The following GC variants were observed in gnomAD, a reference collection of about 807,000 sequenced individuals.
GC encodes GC vitamin D binding protein.
In GC, 43 loss-of-function variants were observed where a neutral mutation model predicts 56.7. The observed-to-expected ratio is 0.76, with a 90% confidence interval of 0.59 to 0.98. GC has a LOEUF of 0.98. Among genes scored for constraint, GC ranks in the 50% least tolerant of loss-of-function variants. GC has a pLI of 0.00. For missense variants in GC, 529 were observed against 545.9 expected (o/e 0.97, Z 0.31); for synonymous variants, 216 against 202.7 (o/e 1.07, Z -0.56).
intron 1 of GC, among the ~76,000 whole-genome samples, chr4:71,779,127 T>C (rs1305697661): frequency 1.3e-5 from 2 of 151,648 alleles, no homozygotes; most frequent in South Asian, 2.1e-4. Flanking sequence ...AAACCCAATT[T>C]TGTAATATTA....
intron 10 of GC, 61 bp downstream of exon 10, chr4:71,754,350 C>T (rs1578285467): frequency 1.3e-6 from 1 of 789,360 alleles, no homozygotes; most frequent in Non-Finnish European, 2.1e-6. Flanking sequence ...GCTTTCAATT[C>T]ATAGTACTAT....
intron 4 of GC, among the ~76,000 whole-genome samples, chr4:71,764,194 T>C (rs1358156937): frequency 1.3e-5 from 2 of 152,028 alleles, no homozygotes; most frequent in East Asian, 1.9e-4. Flanking sequence ...TTGTCCCAGG[T>C]TGGTCTTGAA....
intron 11 of GC, among the ~76,000 whole-genome samples, chr4:71,751,348 T>TCA (rs1741548662): frequency 6.6e-6 from 1 of 152,142 alleles, no homozygotes; most frequent in Non-Finnish European, 1.5e-5. Flanking sequence ...CTCCCCTCTC[T>TCA]CACACCTTCA....
At chr4:71,803,919 G>T in intron 1 of GC, 4 of 1,478,170 alleles carry the variant, frequency 2.7e-6, no homozygotes, top group Non-Finnish European at 2.7e-6. Context: ...GAATTAGAAC[G>T]CAGTACCTCA....
At chr4:71,778,188 CT>C (rs1258197251) in intron 1 of GC, among the ~76,000 whole-genome samples, 1 of 151,840 alleles carries the variant, frequency 6.6e-6, no homozygotes, top group African/African-American at 2.4e-5. Context: ...GTAAGTTTCA[CT>C]TCTCTAAGAT....
intron 1 of GC, among the ~76,000 whole-genome samples, chr4:71,770,001 T>G (rs940726018): frequency 3.3e-5 from 5 of 152,130 alleles, no homozygotes; most frequent in Non-Finnish European, 7.4e-5. Flanking sequence ...AAGGTGGAAA[T>G]CAGGCAAAGA....
intron 1 of GC, among the ~76,000 whole-genome samples, chr4:71,793,929 G>A (rs1743030848): frequency 6.6e-6 from 1 of 152,064 alleles, no homozygotes; most frequent in Non-Finnish European, 1.5e-5. Context: ...GGTCTTTGTT[G>A]TTGGATCTAT....
At chr4:71,762,506 A>G (rs222007) in intron 6 of GC, among the ~76,000 whole-genome samples, 14,100 of 152,140 alleles carry the variant, frequency 0.093, 734 homozygotes, top group Non-Finnish European at 0.1. Flanking sequence ...GGGAAGGCAT[A>G]ATTAGTTTTG....
rs752729934 is a variant in GC at position 71,763,484 on chromosome 4, A to C, written c.625T>G (p.Leu209Val). The change falls in exon 6 of 13, where the codon TTA (leucine) becomes GTA (valine). Residue 209 changes from leucine (L) to valine (V), a missense_variant. Leu to Val is a conservative substitution (Grantham distance 32). Coordinates refer to ENST00000273951, the MANE Select transcript of GC (RefSeq NM_000583.4). ...TTTGACAGAGTGGTGAGAAGTGATA[A>C]ATGTTTAAGCTGGAGTCTCTAGAAA... ...FLKERLQLKH[L>V]SLLTTLSNRV... 2 of 1,598,674 alleles carry C rather than the reference A, an allele frequency of 1.3e-6. No individual in the cohort carries two copies. Among genetic ancestry groups the C allele is most frequent in the South Asian group, 1.1e-5 (1 of 90,688 alleles).
At chr4:71,763,343 C>A in intron 6 of GC, 65 bp downstream of exon 6, 1 of 767,116 alleles carries the variant, frequency 1.3e-6, no homozygotes, top group Admixed American at 2.4e-5. Context: ...TAAAAAAACC[C>A]TAATATTATG....
intron 1 of GC, among the ~76,000 whole-genome samples, chr4:71,791,275 A>T (rs1464020582): frequency 1.3e-5 from 2 of 152,082 alleles, no homozygotes; most frequent in East Asian, 3.9e-4. Context: ...TTTTTGCTTA[A>T]AAGTTTTTTT....
chr4:71,785,247 C>T (rs138652372), upstream of GC, among the ~76,000 whole-genome samples: 2 of 151,788 alleles, frequency 1.3e-5, no homozygotes, highest in East Asian at 3.9e-4. Context: ...ATTAATGTCA[C>T]CTATTACTCT....
At chr4:71,780,798 T>C (rs2149305999) in intron 1 of GC, among the ~76,000 whole-genome samples, 1 of 152,280 alleles carries the variant, frequency 6.6e-6, no homozygotes, top group East Asian at 1.9e-4. Flanking sequence ...GACTGTAAAC[T>C]AGTTCAACCA....
intron 1 of GC, among the ~76,000 whole-genome samples, chr4:71,795,933 T>G (rs1743091040): frequency 6.6e-6 from 1 of 152,242 alleles, no homozygotes; most frequent in Non-Finnish European, 1.5e-5. Flanking sequence ...TTTGGCTGGA[T>G]ATGAAATTCT....
rs140977220 is a variant in GC at position 71,783,345 on chromosome 4, A to T, written c.58+616T>A. 2.1e-3 allele frequency among the ~76,000 whole-genome samples: 315 copies of T among 151,970 alleles called. 2 individuals carry two copies. The highest frequency in any genetic ancestry group is 6.7e-3 in the African/African-American group (279 of 41,524). On this transcript the variant is annotated intron_variant, in intron 1 of 12. Transcript: ENST00000273951. ...CTTTATCATGTAAAAAAATTTTTAA[A>T]CATTGCCCAAAGATGAACACACCAT...
intron 6 of GC, among the ~76,000 whole-genome samples, chr4:71,760,544 T>A (rs1318971782): frequency 6.6e-6 from 1 of 152,018 alleles, no homozygotes; most frequent in Non-Finnish European, 1.5e-5. Context: ...ATAGAAACTA[T>A]CAAAATTAAA....
Position 71,753,484 on chromosome 4 carries a change from CAA to C in GC, c.1263-836_1263-835del, listed in dbSNP as rs202008117. Reference sequence around the variant, plus strand: ...GAGGCAAGAAGAGACTCAAAGGAGGCAAAAAAAAAAAAAGAAAGTTGGGGGGA... The same window carrying C: ...GAGGCAAGAAGAGACTCAAAGGAGGCAAAAAAAAAAAGAAAGTTGGGGGGA... On this transcript the variant is annotated intron_variant, in intron 10 of 12. Transcript: ENST00000273951. Among the ~76,000 whole-genome samples, 298 of 93,948 alleles carry C rather than the reference CAA, an allele frequency of 3.2e-3. 2 individuals carry two copies. Among genetic ancestry groups the C allele is most frequent in the African/African-American group, 9.4e-3 (274 of 29,242 alleles). The allele number at this position is 93,948 out of a possible 152,430, so 61.6% of individuals were successfully genotyped here.
At chr4:71,803,022 G>A (rs1423508469) in intron 1 of GC, among the ~76,000 whole-genome samples, 4 of 152,138 alleles carry the variant, frequency 2.6e-5, no homozygotes, top group Middle Eastern at 3.2e-3. Context: ...GTATTCAAAT[G>A]TGTGAATGAG....
chr4:71,796,928 A>G (rs1743120899), intron 1 of GC, among the ~76,000 whole-genome samples: 1 of 152,188 alleles, frequency 6.6e-6, no homozygotes, highest in Non-Finnish European at 1.5e-5. Flanking sequence ...CAGGTCCCTC[A>G]GTTGCAGGTC....
Sources: gnomAD v4.1 joint callset for allele counts (sites outside exome capture counted in the v4.1 genomes callset) on GRCh38, gnomAD v4.1.1 for gene constraint, MANE v1.5 for transcripts, NCBI Gene and HGNC (gene_info 2026-07-23, HGNC 2026-07-21) for gene names.